The following PLCB1 variants were observed in gnomAD, a reference collection of about 807,000 sequenced individuals.
PLCB1 encodes the protein phospholipase C beta 1.
PLCB1 carries 46 observed loss-of-function variants against 161.8 expected under a neutral mutation model. That is an observed-to-expected ratio of 0.28 (90% confidence interval 0.22 to 0.36). The LOEUF is 0.36. Ranked by LOEUF, PLCB1 falls within the 10% of genes least tolerant of loss-of-function variation. The pLI is 1.00. For missense variants in PLCB1, 1,016 were observed against 1,472.5 expected (o/e 0.69, Z 5.07); for synonymous variants, 517 against 503.7 (o/e 1.03, Z -0.35).
intron 31 of PLCB1, among the ~76,000 whole-genome samples, chr20:8,842,990 T>A (rs546266300): frequency 6.6e-6 from 1 of 152,282 alleles, no homozygotes; most frequent in South Asian, 2.1e-4. Flanking sequence ...GTTAAATGAT[T>A]TGGCAATAAC....
In PLCB1 at chr20:8,686,539, A is replaced by G. The variant is rs1039256829; in HGVS notation, c.1009+1461A>G. ...ATATAATAAATGAGTCAGTAATACCAAAATGATTGAATGACAAGACTGATT... is the reference window on the plus strand; with the variant it reads ...ATATAATAAATGAGTCAGTAATACCGAAATGATTGAATGACAAGACTGATT... On this transcript the variant is annotated intron_variant, in intron 10 of 31. Coordinates refer to ENST00000338037, the MANE Select transcript of PLCB1 (RefSeq NM_015192.4). 2.0e-5 allele frequency among the ~76,000 whole-genome samples: 3 copies of G among 152,242 alleles called. No homozygotes were observed. In the South Asian group the frequency reaches 6.2e-4, roughly 32 times the overall value.
At chr20:8,621,857 A>G (rs1294696143) in intron 3 of PLCB1, among the ~76,000 whole-genome samples, 1 of 152,246 alleles carries the variant, frequency 6.6e-6, no homozygotes, top group Non-Finnish European at 1.5e-5. Flanking sequence ...CTCATGTGAA[A>G]TTGGAATAAC....
intron 2 of PLCB1, among the ~76,000 whole-genome samples, chr20:8,320,609 C>G (rs534180507): frequency 2.0e-5 from 3 of 152,154 alleles, no homozygotes; most frequent in Non-Finnish European, 2.9e-5. Flanking sequence ...TTTGAACCAA[C>G]TCTCAGGAAA....
At chr20:8,400,430 T>A (rs1411498518) in intron 3 of PLCB1, among the ~76,000 whole-genome samples, 2 of 152,194 alleles carry the variant, frequency 1.3e-5, no homozygotes. Context: ...GTGGAATTGG[T>A]CTGATGTAAT....
At chr20:8,436,934 C>T (rs538299802) in intron 3 of PLCB1, among the ~76,000 whole-genome samples, 3 of 152,206 alleles carry the variant, frequency 2.0e-5, no homozygotes, top group Admixed American at 6.5e-5. Flanking sequence ...AGATCACAGG[C>T]GTGTGCCACC....
intron 1 of PLCB1, among the ~76,000 whole-genome samples, chr20:8,148,574 G>A (rs781084503): frequency 6.6e-6 from 1 of 152,052 alleles, no homozygotes; most frequent in Non-Finnish European, 1.5e-5. Flanking sequence ...CTGAAACCAA[G>A]GACTCAGATA....
rs2051930338 is a variant in PLCB1 at position 8,188,441 on chromosome 20, A to G, written c.177+38070A>G. Among the ~76,000 whole-genome samples the G allele has an allele frequency of 1.3e-5, 2 of 152,134 alleles. 1 individual carries two copies. The highest frequency in any genetic ancestry group is 2.9e-5 in the Non-Finnish European group (2 of 68,018). On this transcript the variant is annotated intron_variant, in intron 2 of 31. Coordinates refer to ENST00000338037, the MANE Select transcript of PLCB1 (RefSeq NM_015192.4). Reference sequence around the variant, plus strand: ...CCATAAGAAGAAAATAAATAGAAAAAAAATTGGGGTTGGTTACGTGCAAAT... The same window carrying G: ...CCATAAGAAGAAAATAAATAGAAAAGAAATTGGGGTTGGTTACGTGCAAAT...
At chr20:8,537,618 C>T (rs1985107206) in intron 3 of PLCB1, among the ~76,000 whole-genome samples, 2 of 152,150 alleles carry the variant, frequency 1.3e-5, no homozygotes, top group African/African-American at 2.4e-5. Flanking sequence ...CCTACTGTAA[C>T]ACCATGTGTA....
In PLCB1 at chr20:8,881,779, A is replaced by G. The variant is rs747440380; in HGVS notation, c.3581A>G (p.Asn1194Ser). 1.9e-6 allele frequency: 3 copies of G among 1,613,990 alleles called. No homozygotes were observed. In the East Asian group the frequency reaches 6.7e-5, roughly 36 times the overall value. Residue 1194 changes from asparagine to serine, a missense_variant, in exon 32 of 32, where the codon AAC (asparagine) becomes AGC (serine). This residue lies in a region of PLCB1 where 398 missense variants were observed against 445.4 expected (regional missense o/e 0.89). Coordinates refer to ENST00000338037, the MANE Select transcript of PLCB1 (RefSeq NM_015192.4). ...CTGTCCTCAGACCCTGGAAAAGTGA[A>G]CCACAAGACTCCCTCCAGTGAGGAG... ...LSLSSDPGKV[N>S]HKTPSSEELG... is the part of the protein sequence containing the mutation.
At chr20:8,671,356 C>T (rs1989938412) in intron 9 of PLCB1, among the ~76,000 whole-genome samples, 1 of 152,194 alleles carries the variant, frequency 6.6e-6, no homozygotes, top group African/African-American at 2.4e-5. Context: ...CAGCATTTCT[C>T]TTGTCCTCAT....
chr20:8,532,169 C>T (rs1270261034), intron 3 of PLCB1, among the ~76,000 whole-genome samples: 1 of 152,118 alleles, frequency 6.6e-6, no homozygotes, highest in East Asian at 1.9e-4. Context: ...CATTGCCTAC[C>T]TTTTGGAGTA....
At chr20:8,333,103 C>T (rs1985430117) in intron 2 of PLCB1, among the ~76,000 whole-genome samples, 1 of 152,130 alleles carries the variant, frequency 6.6e-6, no homozygotes, top group Non-Finnish European at 1.5e-5. Flanking sequence ...GACATGGTTA[C>T]AGAGATGCGC....
intron 3 of PLCB1, among the ~76,000 whole-genome samples, chr20:8,398,097 T>G (rs1204366923): frequency 6.6e-6 from 1 of 152,144 alleles, no homozygotes; most frequent in Non-Finnish European, 1.5e-5. Context: ...AAGTGTATTG[T>G]TAAGCTTGTT....
intron 3 of PLCB1, among the ~76,000 whole-genome samples, chr20:8,453,138 A>C (rs1981148122): frequency 6.6e-6 from 1 of 152,212 alleles, no homozygotes; most frequent in Non-Finnish European, 1.5e-5. Context: ...CATCCTTCCT[A>C]ACATGCTCAT....
At chr20:8,778,410 A>C (rs548108654) in intron 27 of PLCB1, among the ~76,000 whole-genome samples, 26 of 152,166 alleles carry the variant, frequency 1.7e-4, no homozygotes, top group Admixed American at 3.3e-4. Context: ...AAAGCAGCTC[A>C]GGAGCTTTTC....
At chr20:8,528,998 C>T (rs908188832) in intron 3 of PLCB1, among the ~76,000 whole-genome samples, 1 of 152,030 alleles carries the variant, frequency 6.6e-6, no homozygotes, top group Non-Finnish European at 1.5e-5. Context: ...AACGATTCCT[C>T]ATTGTGGACG....
intron 2 of PLCB1, among the ~76,000 whole-genome samples, chr20:8,164,901 A>G (rs935866223): frequency 6.6e-6 from 1 of 152,182 alleles, no homozygotes; most frequent in Non-Finnish European, 1.5e-5. Context: ...TTTAAGATAG[A>G]GTGTTTGTCC....
intron 2 of PLCB1, among the ~76,000 whole-genome samples, chr20:8,321,030 A>AAG (rs1251709912): frequency 7.0e-6 from 1 of 142,428 alleles, no homozygotes; most frequent in African/African-American, 2.6e-5. Flanking sequence ...TAAAGAAAGA[A>AAG]AGAGAGAGAG....
intron 11 of PLCB1, among the ~76,000 whole-genome samples, chr20:8,706,511 G>A (rs1978686141): frequency 1.3e-5 from 2 of 152,168 alleles, no homozygotes; most frequent in Non-Finnish European, 2.9e-5. Context: ...GAGAGGAGGC[G>A]AGAATGGCTC....
Sources: gnomAD v4.1 joint callset for allele counts (sites outside exome capture counted in the v4.1 genomes callset) on GRCh38, gnomAD v4.1.1 for gene constraint, gnomAD v4.1.1 regional missense constraint, MANE v1.5 for transcripts, NCBI Gene and HGNC (gene_info 2026-07-23, HGNC 2026-07-21) for gene names.